ATRAID: variants seen among roughly 807,000 people sequenced by gnomAD.
ATRAID encodes the protein all-trans retinoic acid-induced differentiation factor.
ATRAID carries 26 observed loss-of-function variants against 28.8 expected under a neutral mutation model. The ratio of observed to expected loss-of-function variants is 0.90; its 90% CI spans 0.66 to 1.25. ATRAID has a LOEUF of 1.25. Ranked by LOEUF, ATRAID falls within the 50% of genes most tolerant of loss-of-function variation. The pLI, the probability that ATRAID is intolerant of heterozygous loss-of-function variation, is 0.00. For synonymous variants in ATRAID, 131 were observed against 108.5 expected (o/e 1.21, Z -1.29); for missense variants, 308 against 285.9 (o/e 1.08, Z -0.56).
chr2:27,213,289 C>T lies in ATRAID; in HGVS notation c.212C>T (p.Thr71Ile), dbSNP rs1274745309. 8.7e-6 allele frequency: 14 copies of T among 1,613,852 alleles called. No individual in the cohort carries two copies. Among genetic ancestry groups the T allele is most frequent in the Non-Finnish European group, 9.3e-6 (11 of 1,179,902 alleles). The change falls in exon 2 of 7, where the codon ACC (threonine) becomes ATC (isoleucine). Residue 71 changes from threonine to isoleucine, a missense_variant. Transcript: ENST00000380171. ...CGTTGCTGCCTGAATCAGAAGGGCA[C>T]CATCTTGGGGTGAGGGGAAGACATC... ...HARCCLNQKG[T>I]ILGLDLQNCS...
At chr2:27,213,410 T>A in intron 2 of ATRAID, 112 bp downstream of exon 2, 12 of 1,358,260 alleles carry the variant, frequency 8.8e-6, no homozygotes, top group Non-Finnish European at 1.2e-5. Context: ...GCTGTAATCA[T>A]CACGCAGATG....
chr2:27,214,792 C>G, intron 2 of ATRAID, among the ~76,000 whole-genome samples: 1 of 152,198 alleles, frequency 6.6e-6, no homozygotes, highest in South Asian at 2.1e-4. Flanking sequence ...ATGGAGGTTG[C>G]AGTGAGCCGA....
chr2:27,216,735 T>A, intron 6 of ATRAID, 109 bp from the exon 7 acceptor site: 1 of 1,426,560 alleles, frequency 7.0e-7, no homozygotes, highest in South Asian at 1.2e-5. Flanking sequence ...TGGAAAACTA[T>A]AGAATTGCCC....
intron 1 of ATRAID, 110 bp from the exon 2 acceptor site, chr2:27,213,067 C>G (rs1674666460): frequency 1.4e-6 from 2 of 1,381,718 alleles, no homozygotes. Flanking sequence ...TTTATCGGCC[C>G]CGTGTTAGAG....
In ATRAID at chr2:27,212,078, G is replaced by T. The variant is rs1674573316; in HGVS notation, c.-291G>T. ...AGCCGCGACCTCGGCGTCCGGACGC[G>T]GGGAACACCGGGCTGAGGGAGTCTG... On this transcript the variant is annotated 5_prime_UTR_variant, in exon 1 of 7. Transcript: ENST00000380171. The T allele has an allele frequency of 5.4e-6, 7 of 1,305,404 alleles. No individual in the cohort carries two copies. In the South Asian group the frequency reaches 1.0e-4, roughly 19 times the overall value. 80.9% of individuals were successfully genotyped at this position (1,305,404 alleles called of 1,614,324 possible). A position where few individuals can be genotyped will look rare whatever the true frequency, so the allele number is the denominator to read the frequency against.
Position 27,212,366 on chromosome 2 carries a change from A to G in ATRAID, c.-3A>G, listed in dbSNP as rs1391506723. On this transcript the variant is annotated 5_prime_UTR_variant, in exon 1 of 7. Coordinates refer to ENST00000380171, the MANE Select transcript of ATRAID (RefSeq NM_001170795.4). ...GAGCAGCGGAGCACCAAGGGAACGG[A>G]AAATGGCGCCTCACGACCCGGGTAG... The G allele has an allele frequency of 1.3e-6, 2 of 1,550,220 alleles. No homozygotes were observed. The highest frequency in any genetic ancestry group is 1.7e-6 in the Non-Finnish European group (2 of 1,146,634).
At position 27,212,339 on chromosome 2, in the gene ATRAID, G is replaced by A. The variant is rs1195765924; in HGVS notation, c.-30G>A. ...GGGCGGGGCCGCGGGGCCGGGTCGC[G>A]CGAGCAGCGGAGCACCAAGGGAACG... On this transcript the variant is annotated 5_prime_UTR_variant, in exon 1 of 7. Coordinates refer to ENST00000380171, the MANE Select transcript of ATRAID (RefSeq NM_001170795.4). The A allele has an allele frequency of 6.5e-7, 1 of 1,549,414 alleles. No individual in the cohort carries two copies. The highest frequency in any genetic ancestry group is 2.4e-5 in the East Asian group (1 of 40,970).
At chr2:27,213,335 C>T in intron 2 of ATRAID, 37 bp downstream of exon 2, 3 of 1,598,708 alleles carry the variant, frequency 1.9e-6, no homozygotes, top group Non-Finnish European at 2.6e-6. Context: ...GGATACAGGC[C>T]ATTCCTTAGC....
chr2:27,215,207 C>T, intron 2 of ATRAID, 114 bp from the exon 3 acceptor site: 1 of 1,047,348 alleles, frequency 9.5e-7, no homozygotes, highest in East Asian at 2.5e-5. Context: ...TGACTCTGAA[C>T]ACAGCTGTGT....
chr2:27,215,607 A>G, intron 4 of ATRAID, 25 bp from the exon 5 acceptor site: 1 of 1,614,210 alleles, frequency 6.2e-7, no homozygotes, highest in Non-Finnish European at 8.5e-7. Flanking sequence ...GCAACTTTGC[A>G]TGTTATGACC....
Position 27,217,094 on chromosome 2 carries a change from T to A in ATRAID, c.*146T>A. 1.6e-6 allele frequency: 1 copy of A among 642,156 alleles called. No homozygotes were observed. Among genetic ancestry groups the A allele is most frequent in the Non-Finnish European group, 2.7e-6 (1 of 376,392 alleles). 39.8% of individuals were successfully genotyped at this position (642,156 alleles called of 1,614,324 possible). Reference sequence around the variant, plus strand: ...TTGGAAGATGAAAAATTGCACTCCCTTGGTGTAGACAAATACCAGTTCCCA... The same window carrying A: ...TTGGAAGATGAAAAATTGCACTCCCATGGTGTAGACAAATACCAGTTCCCA... On this transcript the variant is annotated 3_prime_UTR_variant, in exon 7 of 7. Coordinates refer to ENST00000380171, the MANE Select transcript of ATRAID (RefSeq NM_001170795.4).
chr2:27,213,363 CTTATA>C, intron 2 of ATRAID, 65 bp downstream of exon 2: 1 of 1,545,532 alleles, frequency 6.5e-7, no homozygotes, highest in Non-Finnish European at 8.7e-7. Context: ...CTTTTATACC[CTTATA>C]TTATTTAAAG....
intron 1 of ATRAID, chr2:27,212,970 G>A (rs1325164408): frequency 1.2e-5 from 7 of 599,588 alleles, no homozygotes; most frequent in Non-Finnish European, 2.0e-5. Flanking sequence ...AAAGTGTCGG[G>A]AGCTGATTCG....
chr2:27,212,280 G>A lies in ATRAID; in HGVS notation c.-89G>A, dbSNP rs1206021633. 2 of 1,554,142 alleles carry A rather than the reference G, an allele frequency of 1.3e-6. No homozygotes were observed. The highest frequency in any genetic ancestry group is 1.7e-4 in the Middle Eastern group (1 of 5,724). On this transcript the variant is annotated 5_prime_UTR_variant, in exon 1 of 7. Transcript: ENST00000380171. Reference sequence around the variant, plus strand: ...AGGGCGACTGGACCGGGCCGCTTAGGCCACGCCCGGGGAAGAGGGCCTGAC... The same window carrying A: ...AGGGCGACTGGACCGGGCCGCTTAGACCACGCCCGGGGAAGAGGGCCTGAC...
Position 27,212,290 on chromosome 2 carries a change from G to C in ATRAID, c.-79G>C, listed in dbSNP as rs764253186. The stretch of plus-strand genomic sequence containing the variant: ...GACCGGGCCGCTTAGGCCACGCCCG[G>C]GGAAGAGGGCCTGACGCGCTGCGGG... On this transcript the variant is annotated 5_prime_UTR_variant, in exon 1 of 7. Coordinates refer to ENST00000380171, the MANE Select transcript of ATRAID (RefSeq NM_001170795.4). The C allele has an allele frequency of 1.9e-6, 3 of 1,552,738 alleles. No homozygotes were observed. The South Asian group carries it at 3.6e-5, about 18-fold the overall frequency.
Position 27,213,159 on chromosome 2 carries a change from T to G in ATRAID, c.100-18T>G. On this transcript the variant is annotated intron_variant, in intron 1 of 6. Transcript: ENST00000380171. ...GGCTTTTCTTTCTGGAGTTCTAATG[T>G]TTCTTTCTCTTCTGCAGATATGCAC... is the stretch of plus-strand genomic sequence containing the variant. 1 of 1,607,850 alleles carries G rather than the reference T, an allele frequency of 6.2e-7. No individual in the cohort carries two copies. The highest frequency in any genetic ancestry group is 8.5e-7 in the Non-Finnish European group (1 of 1,175,746).
intron 2 of ATRAID, 107 bp downstream of exon 2, chr2:27,213,405 A>G: frequency 7.2e-7 from 1 of 1,393,966 alleles, no homozygotes; most frequent in South Asian, 1.5e-5. Flanking sequence ...TTTCAGCTGT[A>G]ATCATCACGC....
In ATRAID at chr2:27,216,980, A is replaced by AG; in HGVS notation, c.*32_*33insG. 6.5e-7 allele frequency: 1 copy of AG among 1,542,542 alleles called. No homozygotes were observed. Among genetic ancestry groups the AG allele is most frequent in the Non-Finnish European group, 8.9e-7 (1 of 1,121,932 alleles). On this transcript the variant is annotated 3_prime_UTR_variant, in exon 7 of 7. Transcript: ENST00000380171. ...TAGGTCTTACCATTGACCTAAGATC[A>AG]ATCTGAACTATCTTAGCCCAGTCAG...
intron 1 of ATRAID, chr2:27,212,809 T>C (rs974197053): frequency 5.3e-6 from 3 of 562,992 alleles, no homozygotes; most frequent in Non-Finnish European, 8.4e-6. Context: ...ACTTTTGTAA[T>C]GCTTGATGAG....
Sources: gnomAD v4.1 joint callset for allele counts (sites outside exome capture counted in the v4.1 genomes callset) on GRCh38, gnomAD v4.1.1 for gene constraint, MANE v1.5 for transcripts, NCBI Gene and HGNC (gene_info 2026-07-23, HGNC 2026-07-21) for gene names.